CILP: variants seen among roughly 807,000 people sequenced by gnomAD.
CILP encodes the protein cartilage intermediate layer protein 1.
CILP carries 75 observed loss-of-function variants against 82.5 expected under a neutral mutation model. That is an observed-to-expected ratio of 0.91 (90% CI 0.75 to 1.10). CILP has a LOEUF of 1.10. Among genes scored for constraint, CILP ranks in the 50% least tolerant of loss-of-function variants. The pLI, the probability that CILP is intolerant of heterozygous loss-of-function variation, is 0.00. For synonymous variants in CILP, 530 were observed against 580.3 expected (o/e 0.91, Z 1.25); for missense variants, 1,479 against 1,530.8 (o/e 0.97, Z 0.56).
chr15:65,204,380 A>T lies in CILP; in HGVS notation c.807T>A (p.Pro269=), dbSNP rs1477380773. ...TGATCTTCAGGATGCTTTTGCCATCAGGGCACAAGCCAGGGATTCGGAATC... is the reference window on the plus strand; with the variant it reads ...TGATCTTCAGGATGCTTTTGCCATCTGGGCACAAGCCAGGGATTCGGAATC... ...DGRFRIPGLC[P]DGKSILKITK... Residue 269 remains proline, a synonymous_variant, in exon 6 of 9, where the codon CCT becomes CCA. Coordinates refer to ENST00000261883, the MANE Select transcript of CILP (RefSeq NM_003613.4). The T allele has an allele frequency of 1.2e-6, 2 of 1,614,212 alleles. No homozygotes were observed. The highest frequency in any genetic ancestry group is 1.3e-5 in the African/African-American group (1 of 75,060).
chr15:65,198,543 G>A lies in CILP; in HGVS notation c.1743C>T (p.Ala581=), dbSNP rs771234050. 1.9e-6 allele frequency: 3 copies of A among 1,614,096 alleles called. No homozygotes were observed. Residue 581 remains alanine (A), a synonymous_variant, in exon 9 of 9, where the codon GCC becomes GCT. Coordinates refer to ENST00000261883, the MANE Select transcript of CILP (RefSeq NM_003613.4). ...CCAGGGGGATGATGTTGGTCTCCAT[G>A]GCTTCCAAAGTGATGGGCTTTTTCC... The part of the protein sequence containing the change: ...LRRKKPITLE[A]METNIIPLGE...
Position 65,197,857 on chromosome 15 carries a change from G to A in CILP, c.2429C>T (p.Ala810Val), listed in dbSNP as rs1382343239. The A allele has an allele frequency of 6.2e-7, 1 of 1,613,884 alleles. No homozygotes were observed. Among genetic ancestry groups the A allele is most frequent in the Non-Finnish European group, 8.5e-7 (1 of 1,179,990 alleles). The change falls in exon 9 of 9, where the codon GCC becomes GTC. Residue 810 changes from alanine (A) to valine (V), a missense_variant. Coordinates refer to ENST00000261883, the MANE Select transcript of CILP (RefSeq NM_003613.4). ...ITGPNGACVP[A>V]FCDDQSPDAY... Reference sequence around the variant, plus strand: ...ATCAGGGGACTGGTCATCACAGAAGGCAGGCACACAGGCCCCGTTGGGGCC... The same window carrying A: ...ATCAGGGGACTGGTCATCACAGAAGACAGGCACACAGGCCCCGTTGGGGCC...
rs148815769 is a variant in CILP, at chr15:65,197,313, C to T, written c.2973G>A (p.Arg991=). 3.1e-4 allele frequency: 508 copies of T among 1,614,066 alleles called. 1 individual carries two copies. In the African/African-American group the frequency reaches 3.6e-3, roughly 11 times the overall value. The stretch of plus-strand genomic sequence containing the variant: ...TGGGCTGGTCCCTGTCCCGAGTGCT[C>T]CTCACATCTCGGATTCCATACAGCT... ...VGKLYGIRDV[R]STRDRDQPNV... is the part of the protein sequence containing the mutation. Residue 991 remains arginine (R), a synonymous_variant, in exon 9 of 9, where the codon AGG becomes AGA. Transcript: ENST00000261883.
At chr15:65,211,067 G>A (rs1380019765) in intron 1 of CILP, among the ~76,000 whole-genome samples, 2 of 152,176 alleles carry the variant, frequency 1.3e-5, no homozygotes, top group African/African-American at 2.4e-5. Context: ...CATCTCCGCC[G>A]TTTCCTCAGC....
At chr15:65,202,877 T>C (rs1294123781) in intron 7 of CILP, among the ~76,000 whole-genome samples, 1 of 130,002 alleles carries the variant, frequency 7.7e-6, no homozygotes, top group Non-Finnish European at 1.6e-5. Context: ...ACACTGTCAC[T>C]CAGGCTGGAG....
rs1217132910 is a variant in CILP at position 65,204,250 on chromosome 15, C to T, written c.919+18G>A. ...ATCTGGACCTTCTCACCAGCCCTACCCCAAAGAATTTAGTTACCTGCCCTC... is the reference window on the plus strand; with the variant it reads ...ATCTGGACCTTCTCACCAGCCCTACTCCAAAGAATTTAGTTACCTGCCCTC... On this transcript the variant is annotated intron_variant, in intron 6 of 8. Coordinates refer to ENST00000261883, the MANE Select transcript of CILP (RefSeq NM_003613.4). 2 of 1,609,084 alleles carry T rather than the reference C, an allele frequency of 1.2e-6. No individual in the cohort carries two copies. The highest frequency in any genetic ancestry group is 2.2e-5 in the East Asian group (1 of 44,822).
rs777211471 is a variant in CILP at position 65,197,351 on chromosome 15, G to A, written c.2935C>T (p.Gln979Ter). The change falls in exon 9 of 9, where the codon CAG becomes TAG. Residue 979 changes from glutamine to a stop codon, truncating the protein, a stop_gained. Coordinates refer to ENST00000261883, the MANE Select transcript of CILP (RefSeq NM_003613.4). LOFTEE classifies it high-confidence loss of function. The stretch of plus-strand genomic sequence containing the variant: ...ATTCCATACAGCTTCCCCACTGTCT[G>A]CCGATGAGTGCCCCCCATGTTGCGG... ...RSRNMGGTHRQTVGKLYGIRD... is the reference protein window; with the variant it reads ...RSRNMGGTHR 82 of 1,614,048 alleles carry A rather than the reference G, an allele frequency of 5.1e-5. No individual in the cohort carries two copies. Among genetic ancestry groups the A allele is most frequent in the Admixed American group, 8.3e-5 (5 of 60,000 alleles).
chr15:65,204,400 G>T lies in CILP; in HGVS notation c.787C>A (p.Arg263=). ...CCATCAGGGCACAAGCCAGGGATTC[G>T]GAATCTCCCATCACTGTCTGTCTGG... ...LTQTDSDGRF[R]IPGLCPDGKS... Residue 263 remains arginine (R), a synonymous_variant, in exon 6 of 9, where the codon CGA becomes AGA. Transcript: ENST00000261883. 6.2e-7 allele frequency: 1 copy of T among 1,614,158 alleles called. No homozygotes were observed. The highest frequency in any genetic ancestry group is 8.5e-7 in the Non-Finnish European group (1 of 1,180,018).
chr15:65,206,843 G>A lies in CILP; in HGVS notation c.363C>T (p.Asn121=), dbSNP rs575658446. ...AGTTCTGGCCAGGCCGCTGCTCCCT[G>A]TTGAGGCACCAGAAACCCTCACGGG... ...GSPREGFWCL[N]REQRPGQNCS... Residue 121 remains asparagine (N), a synonymous_variant, in exon 4 of 9, where the codon AAC becomes AAT. Transcript: ENST00000261883. 75 of 1,613,948 alleles carry A rather than the reference G, an allele frequency of 4.6e-5. No homozygotes were observed. Among genetic ancestry groups the A allele is most frequent in the Non-Finnish European group, 6.1e-5 (72 of 1,180,012 alleles).
intron 1 of CILP, among the ~76,000 whole-genome samples, chr15:65,211,201 TG>T (rs1479065078): frequency 6.6e-6 from 1 of 152,030 alleles, no homozygotes; most frequent in Non-Finnish European, 1.5e-5. Context: ...TGGGACCATC[TG>T]GGGGTTCCTG....
At chr15:65,209,394 G>A (rs1203821244) in intron 2 of CILP, among the ~76,000 whole-genome samples, 2 of 152,080 alleles carry the variant, frequency 1.3e-5, no homozygotes, top group Non-Finnish European at 1.5e-5. Flanking sequence ...CAGGAAGCTC[G>A]GAGCTCAATT....
At chr15:65,199,234 TC>T in intron 8 of CILP, 135 bp from the exon 9 acceptor site, 1 of 649,542 alleles carries the variant, frequency 1.5e-6, no homozygotes, top group Non-Finnish European at 2.6e-6. Context: ...CTCACAGAAC[TC>T]TCTGAGAGGA....
intron 5 of CILP, 120 bp downstream of exon 5, chr15:65,205,167 A>T: frequency 2.2e-6 from 2 of 928,906 alleles, no homozygotes; most frequent in Non-Finnish European, 3.3e-6. Context: ...ATGCTCAGTT[A>T]ATACGTGGTG....
intron 3 of CILP, 47 bp downstream of exon 3, chr15:65,207,625 G>T: frequency 6.4e-7 from 1 of 1,553,720 alleles, no homozygotes; most frequent in Non-Finnish European, 8.9e-7. Flanking sequence ...TCGGAAGCTC[G>T]TTAAAGGCTG....
chr15:65,197,821 G>T lies in CILP; in HGVS notation c.2465C>A (p.Ala822Asp). ...CDDQSPDAYS[A>D]YVLASLAGEE... Reference sequence around the variant, plus strand: ...CCCAGCCAGGCTTGCCAAGACATAGGCAGAGTAGGCATCAGGGGACTGGTC... The same window carrying T: ...CCCAGCCAGGCTTGCCAAGACATAGTCAGAGTAGGCATCAGGGGACTGGTC... The change falls in exon 9 of 9, where the codon GCC becomes GAC. Residue 822 changes from alanine (A) to aspartate (D), a missense_variant. Physicochemically the swap from Ala to Asp is moderately radical, Grantham distance 126. Transcript: ENST00000261883. 2 of 1,613,992 alleles carry T rather than the reference G, an allele frequency of 1.2e-6. No individual in the cohort carries two copies. The highest frequency in any genetic ancestry group is 1.7e-6 in the Non-Finnish European group (2 of 1,180,024).
chr15:65,200,245 A>G (rs1327432585), intron 8 of CILP, among the ~76,000 whole-genome samples: 1 of 152,240 alleles, frequency 6.6e-6, no homozygotes, highest in Non-Finnish European at 1.5e-5. Flanking sequence ...TTATCTATAA[A>G]TGTAACTTCA....
chr15:65,204,574 G>T lies in CILP; in HGVS notation c.613C>A (p.Leu205Met), dbSNP rs1197383701. 1 of 1,593,544 alleles carries T rather than the reference G, an allele frequency of 6.3e-7. No individual in the cohort carries two copies. The highest frequency in any genetic ancestry group is 1.9e-5 in the Admixed American group (1 of 52,724). Residue 205 changes from leucine to methionine, a missense_variant, in exon 6 of 9, where the codon CTG becomes ATG. Leu to Met is a conservative substitution (Grantham distance 15). Transcript: ENST00000261883. Reference sequence around the variant, plus strand: ...TTCACCTGGCCCATTGGGCAGGTCAGGTCACAGGCTGTGGAACAAGGGGCC... The same window carrying T: ...TTCACCTGGCCCATTGGGCAGGTCATGTCACAGGCTGTGGAACAAGGGGCC... ...CMGQDCTACD[L>M]TCPMGQVNAD... is the part of the protein sequence containing the mutation.
chr15:65,197,597 C>G lies in CILP; in HGVS notation c.2689G>C (p.Glu897Gln). 1 of 1,614,202 alleles carries G rather than the reference C, an allele frequency of 6.2e-7. No individual in the cohort carries two copies. Among genetic ancestry groups the G allele is most frequent in the African/African-American group, 1.3e-5 (1 of 75,052 alleles). ...GCCTCTTCACATGCCCGGAGGTTCT[C>G]AAAGGCATAGATGGGCCCATTGCTC... ...EESNGPIYAF[E>Q]NLRACEEAPP... The change falls in exon 9 of 9, where the codon GAG becomes CAG. Residue 897 changes from glutamate to glutamine, a missense_variant. Coordinates refer to ENST00000261883, the MANE Select transcript of CILP (RefSeq NM_003613.4).
intron 7 of CILP, 71 bp downstream of exon 7, chr15:65,203,291 G>T: frequency 1.0e-6 from 1 of 1,004,326 alleles, no homozygotes; most frequent in Non-Finnish European, 1.6e-6. Flanking sequence ...TTATTAATAA[G>T]TCCAGACCCA....
Sources: gnomAD v4.1 joint callset for allele counts (sites outside exome capture counted in the v4.1 genomes callset) on GRCh38, gnomAD v4.1.1 for gene constraint, MANE v1.5 for transcripts, NCBI Gene and HGNC (gene_info 2026-07-23, HGNC 2026-07-21) for gene names.